The following AGBL1 variants were observed in gnomAD, a reference collection of about 807,000 sequenced individuals.
The protein encoded by AGBL1 is cytosolic carboxypeptidase 4.
A neutral mutation model predicts 118.9 loss-of-function variants in AGBL1; 130 were observed. The observed-to-expected ratio is 1.09, with a 90% CI of 0.95 to 1.26. The LOEUF (loss-of-function observed/expected upper bound fraction) is 1.26. Ranked by LOEUF, AGBL1 falls within the 50% of genes most tolerant of loss-of-function variation. The pLI is 0.00. For synonymous variants in AGBL1, 555 were observed against 478.9 expected, an observed-to-expected ratio of 1.16 and a Z score of -2.08; for missense variants, 1,584 against 1,298.1, an observed-to-expected ratio of 1.22 and a Z score of -3.38.
intron 21 of AGBL1, among the ~76,000 whole-genome samples, chr15:86,643,795 T>C (rs1385768660): frequency 6.6e-6 from 1 of 152,220 alleles, no homozygotes; most frequent in Admixed American, 6.5e-5. Flanking sequence ...ATTTTATTTA[T>C]GCAGGTTTAC....
intron 22 of AGBL1, among the ~76,000 whole-genome samples, chr15:86,826,290 G>C (rs1403488124): frequency 2.0e-5 from 3 of 152,100 alleles, no homozygotes; most frequent in Non-Finnish European, 4.4e-5. Context: ...GAGAGTAGAA[G>C]ATAATCTCAA....
rs148391060 is a variant in AGBL1, at chr15:86,427,946, C to T, written c.2555+30400C>T. ...CCTTTTCCTTTATTATTCTTGACCT[C>T]GTAGAGAGAAGTAACATACAAAATG... On this transcript the variant is annotated intron_variant, in intron 18 of 22. Transcript: ENST00000614907. Among the ~76,000 whole-genome samples, 486 of 152,172 alleles carry T rather than the reference C, an allele frequency of 3.2e-3. 1 individual carries two copies. The highest frequency in any genetic ancestry group is 0.011 in the African/African-American group (457 of 41,518).
At chr15:86,080,161 C>A (rs189886070) in intron 1 of AGBL1, 138 bp downstream of exon 1, 2 of 549,096 alleles carry the variant, frequency 3.6e-6, no homozygotes, top group East Asian at 6.9e-5. Flanking sequence ...GGAGTCGGCT[C>A]TCACCTTGAA....
At chr15:86,508,111 A>G (rs1442475124) in intron 18 of AGBL1, among the ~76,000 whole-genome samples, 1 of 150,698 alleles carries the variant, frequency 6.6e-6, no homozygotes, top group Non-Finnish European at 1.5e-5. Context: ...TTTAGTAGAG[A>G]AGGGGTTTCA....
intron 22 of AGBL1, among the ~76,000 whole-genome samples, chr15:86,879,885 G>A (rs1333177447): frequency 6.6e-6 from 1 of 152,170 alleles, no homozygotes; most frequent in Non-Finnish European, 1.5e-5. Flanking sequence ...ATGGGACCAT[G>A]TCTTCTTGTC....
intron 18 of AGBL1, among the ~76,000 whole-genome samples, chr15:86,404,326 T>A (rs1424635835): frequency 6.6e-6 from 1 of 152,184 alleles, no homozygotes; most frequent in African/African-American, 2.4e-5. Flanking sequence ...TGTCCTTCCC[T>A]GTCACTGCCA....
intron 21 of AGBL1, among the ~76,000 whole-genome samples, chr15:86,660,456 C>T (rs1254926543): frequency 6.6e-6 from 1 of 152,134 alleles, no homozygotes; most frequent in Non-Finnish European, 1.5e-5. Flanking sequence ...CTCTTCAAAT[C>T]TACTTACACT....
intron 6 of AGBL1, among the ~76,000 whole-genome samples, chr15:86,237,068 G>C (rs1196572383): frequency 6.6e-6 from 1 of 151,810 alleles, no homozygotes; most frequent in Non-Finnish European, 1.5e-5. Flanking sequence ...ATCAAAGCTG[G>C]CCAGCCCAGC....
At chr15:86,268,871 T>C (rs1352273580) in intron 13 of AGBL1, among the ~76,000 whole-genome samples, 2 of 152,130 alleles carry the variant, frequency 1.3e-5, no homozygotes, top group African/African-American at 2.4e-5. Context: ...TTACCAGGGG[T>C]CCAGTGTGGG....
chr15:86,507,677 G>A (rs892258530), intron 18 of AGBL1, among the ~76,000 whole-genome samples: 2 of 152,090 alleles, frequency 1.3e-5, no homozygotes, highest in Non-Finnish European at 2.9e-5. Flanking sequence ...ACTTGAGAGA[G>A]TAAACCATGG....
chr15:86,847,770 G>A (rs528673552), intron 22 of AGBL1, among the ~76,000 whole-genome samples: 60 of 152,288 alleles, frequency 3.9e-4, no homozygotes, highest in Middle Eastern at 3.4e-3. Flanking sequence ...AGACAGTGAT[G>A]TGTGGATAAC....
intron 18 of AGBL1, among the ~76,000 whole-genome samples, chr15:86,450,915 C>A (rs1277942112): frequency 1.3e-5 from 2 of 152,224 alleles, no homozygotes; most frequent in East Asian, 3.9e-4. Context: ...ACTGCACTAT[C>A]CTTATAATAT....
intron 23 of AGBL1, among the ~76,000 whole-genome samples, chr15:86,926,088 TCTC>T (rs1161228937): frequency 6.6e-6 from 1 of 152,064 alleles, no homozygotes; most frequent in Non-Finnish European, 1.5e-5. Flanking sequence ...ATCTGCTTCA[TCTC>T]CTCTCCTTTC....
At chr15:86,368,457 T>A (rs1398386267) in intron 17 of AGBL1, among the ~76,000 whole-genome samples, 6 of 152,230 alleles carry the variant, frequency 3.9e-5, no homozygotes, top group African/African-American at 1.4e-4. Flanking sequence ...GATTTTAAAG[T>A]TACTACATTT....
chr15:86,222,091 G>A (rs1417354891), intron 5 of AGBL1, among the ~76,000 whole-genome samples: 1 of 152,096 alleles, frequency 6.6e-6, no homozygotes, highest in Admixed American at 6.6e-5. Context: ...CTATCCTCTA[G>A]TGTTGATGTC....
At chr15:86,378,788 C>T (rs1013876663) in intron 17 of AGBL1, among the ~76,000 whole-genome samples, 1 of 152,098 alleles carries the variant, frequency 6.6e-6, no homozygotes, top group Non-Finnish European at 1.5e-5. Flanking sequence ...GGCGAGGGTT[C>T]AGGGCAACCA....
At chr15:86,638,275 T>G (rs2085132082) in intron 21 of AGBL1, among the ~76,000 whole-genome samples, 1 of 152,220 alleles carries the variant, frequency 6.6e-6, no homozygotes, top group East Asian at 1.9e-4. Flanking sequence ...GGATGTGCCT[T>G]TAAAATGTCT....
intron 21 of AGBL1, among the ~76,000 whole-genome samples, chr15:86,669,252 A>C (rs1029476992): frequency 6.6e-6 from 1 of 152,210 alleles, no homozygotes; most frequent in Non-Finnish European, 1.5e-5. Context: ...TAAAATAACC[A>C]TGGTTATATG....
intron 22 of AGBL1, among the ~76,000 whole-genome samples, chr15:86,737,634 G>T (rs2141228473): frequency 6.6e-6 from 1 of 152,240 alleles, no homozygotes; most frequent in Middle Eastern, 3.4e-3. Context: ...CAGGGAGAAT[G>T]ACATCTGGGA....
Sources: allele counts gnomAD v4.1 joint callset (sites outside exome capture counted in the v4.1 genomes callset), GRCh38; gene constraint gnomAD v4.1.1; transcripts MANE v1.5; gene names NCBI Gene and HGNC (gene_info 2026-07-23, HGNC 2026-07-21).